Variants in MAF observed in about 807,000 individuals in gnomAD.
MAF encodes the protein MAF bZIP transcription factor.
MAF carries 10 observed loss-of-function variants against 22.0 expected under a neutral mutation model. The ratio of observed to expected loss-of-function variants is 0.45; its 90% CI spans 0.28 to 0.77. The LOEUF (loss-of-function observed/expected upper bound fraction) is 0.77, where lower values mean the gene tolerates loss of function less well. Among genes scored for constraint, MAF ranks in the 30% least tolerant of loss-of-function variants. The pLI is 0.12. For synonymous variants in MAF, 337 were observed against 255.8 expected (o/e 1.32, Z -3.03); for missense variants, 544 against 548.4 (o/e 0.99, Z 0.08).
the MAF span, among the ~76,000 whole-genome samples, chr16:79,482,855 C>CCCCCCTCCCTCCCTCTCCTCCT: frequency 8.8e-6 from 1 of 113,730 alleles, no homozygotes; most frequent in Non-Finnish European, 1.8e-5. Flanking sequence ...CCTCCCCTCC[C>CCCCCCTCCCTCCCTCTCCTCCT]CTCCCTCCCT....
At chr16:79,538,262 T>C in the MAF span, among the ~76,000 whole-genome samples, 13,409 of 152,284 alleles carry the variant, frequency 0.088, 676 homozygotes, top group South Asian at 0.16. Context: ...AACGTTTCTG[T>C]GTGTGTAAAA....
At chr16:79,439,759 G>A in the MAF span, among the ~76,000 whole-genome samples, 1 of 152,180 alleles carries the variant, frequency 6.6e-6, no homozygotes, top group Non-Finnish European at 1.5e-5. Flanking sequence ...GCCAACAGAG[G>A]AAGTGCTGGA....
chr16:79,204,399 C>T, the MAF span: 1 of 152,070 alleles, frequency 6.6e-6, no homozygotes, highest in Non-Finnish European at 1.5e-5. Context: ...GTTTCTTTTT[C>T]CTTCCCTCGT....
chr16:79,228,430 C>T, the MAF span, among the ~76,000 whole-genome samples: 1 of 152,024 alleles, frequency 6.6e-6, no homozygotes, highest in Non-Finnish European at 1.5e-5. Flanking sequence ...TTCACTAGAT[C>T]CTGCTCTGAC....
At chr16:79,465,555 G>T in the MAF span, among the ~76,000 whole-genome samples, 1 of 152,116 alleles carries the variant, frequency 6.6e-6, no homozygotes, top group African/African-American at 2.4e-5. Flanking sequence ...TCCCGTGATC[G>T]CACCACCACA....
the MAF span, among the ~76,000 whole-genome samples, chr16:79,429,298 C>T: frequency 6.6e-6 from 1 of 152,176 alleles, no homozygotes; most frequent in African/African-American, 2.4e-5. Flanking sequence ...CTGCTACCTG[C>T]TGGCAGAGAA....
At chr16:79,544,715 G>A in the MAF span, among the ~76,000 whole-genome samples, 1 of 144,496 alleles carries the variant, frequency 6.9e-6, no homozygotes, top group Non-Finnish European at 1.5e-5. Flanking sequence ...GGACCTCACA[G>A]TAAGCTGAGA....
At chr16:79,462,828 C>A in the MAF span, among the ~76,000 whole-genome samples, 1 of 152,172 alleles carries the variant, frequency 6.6e-6, no homozygotes, top group Admixed American at 6.5e-5. Flanking sequence ...GTAAACAGGA[C>A]AAGTCAATAA....
chr16:79,336,480 A>G, the MAF span, among the ~76,000 whole-genome samples: 1 of 152,220 alleles, frequency 6.6e-6, no homozygotes, highest in Non-Finnish European at 1.5e-5. Flanking sequence ...GGAGGAAAAC[A>G]GTCAGAAATC....
the MAF span, among the ~76,000 whole-genome samples, chr16:79,405,501 G>A: frequency 6.6e-6 from 1 of 152,148 alleles, no homozygotes; most frequent in African/African-American, 2.4e-5. Flanking sequence ...TGTAAACATG[G>A]GGCATAGAAG....
At chr16:79,303,372 G>A in the MAF span, among the ~76,000 whole-genome samples, 2 of 152,216 alleles carry the variant, frequency 1.3e-5, no homozygotes, top group Non-Finnish European at 2.9e-5. Flanking sequence ...GCATGGGATT[G>A]CAGTGGGAAG....
the MAF span, among the ~76,000 whole-genome samples, chr16:79,431,929 C>T: frequency 2.6e-5 from 4 of 152,116 alleles, no homozygotes; most frequent in Middle Eastern, 3.2e-3. Flanking sequence ...GACTGAGCTG[C>T]CAGTATAGTA....
chr16:79,508,454 A>T, the MAF span, among the ~76,000 whole-genome samples: 2 of 151,998 alleles, frequency 1.3e-5, no homozygotes, highest in South Asian at 2.1e-4. Flanking sequence ...TTGCCCCTTC[A>T]TGCCTAGAGT....
At chr16:79,312,590 A>C in the MAF span, among the ~76,000 whole-genome samples, 1 of 152,226 alleles carries the variant, frequency 6.6e-6, no homozygotes, top group African/African-American at 2.4e-5. Context: ...CCTTCCTTCT[A>C]GCTCTTACAG....
At chr16:79,509,075 T>C in the MAF span, among the ~76,000 whole-genome samples, 4 of 152,236 alleles carry the variant, frequency 2.6e-5, no homozygotes, top group African/African-American at 9.6e-5. Context: ...GCTCTAGTCT[T>C]CATATTTATA....
the MAF span, among the ~76,000 whole-genome samples, chr16:79,327,688 G>C: frequency 6.6e-6 from 1 of 152,234 alleles, no homozygotes; most frequent in South Asian, 2.1e-4. Context: ...TCGTCATAAT[G>C]TTGCTTGACA....
chr16:79,583,481 G>T (rs1398576121), downstream of MAF, among the ~76,000 whole-genome samples: 1 of 152,158 alleles, frequency 6.6e-6, no homozygotes, highest in Non-Finnish European at 1.5e-5. Flanking sequence ...AGGTAAGTAA[G>T]TGTCCCACCT....
At chr16:79,218,380 C>A in the MAF span, among the ~76,000 whole-genome samples, 4 of 152,192 alleles carry the variant, frequency 2.6e-5, no homozygotes, top group African/African-American at 9.7e-5. Context: ...TCTGTTAGAA[C>A]TAATGGTTCA....
chr16:79,302,115 G>C, the MAF span, among the ~76,000 whole-genome samples: 1 of 152,180 alleles, frequency 6.6e-6, no homozygotes, highest in African/African-American at 2.4e-5. Context: ...CCTACACCTG[G>C]GGTCTCAGTG....
Sources: gnomAD v4.1 joint callset for allele counts (sites outside exome capture counted in the v4.1 genomes callset) on GRCh38, gnomAD v4.1.1 for gene constraint, MANE v1.5 for transcripts, NCBI Gene and HGNC (gene_info 2026-07-23, HGNC 2026-07-21) for gene names.